Variants in PPM1G observed in about 807,000 individuals in gnomAD.
PPM1G encodes protein phosphatase 1G.
In PPM1G, 12 loss-of-function variants were observed where a neutral mutation model predicts 59.4. That is an observed-to-expected ratio of 0.20 (90% CI 0.13 to 0.33). PPM1G has a LOEUF of 0.33. PPM1G is among the 10% of genes least tolerant of loss of function. The probability of loss-of-function intolerance (pLI) is 1.00; values close to 1 mark genes in which losing one functional copy is unlikely to be tolerated. For missense variants in PPM1G, 392 were observed against 681.3 expected (o/e 0.58, Z 4.73); for synonymous variants, 245 against 251.9 (o/e 0.97, Z 0.26).
chr2:27,384,734 T>G lies in PPM1G; in HGVS notation c.764A>C (p.Lys255Thr). 1 of 1,614,176 alleles carries G rather than the reference T, an allele frequency of 6.2e-7. No homozygotes were observed. Among genetic ancestry groups the G allele is most frequent in the Non-Finnish European group, 8.5e-7 (1 of 1,180,020 alleles). Residue 255 changes from lysine (K) to threonine (T), a missense_variant, in exon 5 of 10, where the codon AAG (lysine) becomes ACG (threonine). Lys to Thr is a moderately conservative substitution (Grantham distance 78, BLOSUM62 -1). Coordinates refer to ENST00000344034, the MANE Select transcript of PPM1G (RefSeq NM_177983.3). The surrounding 1 kb of genome is among the most constrained non-coding windows in gnomAD (Gnocchi z 4.8). ...CTCATCCTCACTGTCCTCAAAGAACTTGGACTTAGCAACTCGAGGCAGCTT... is the reference window on the plus strand; with the variant it reads ...CTCATCCTCACTGTCCTCAAAGAACGTGGACTTAGCAACTCGAGGCAGCTT... ...SDKLPRVAKS[K>T]FFEDSEDESD...
At chr2:27,408,970 C>A (rs1558323716) in intron 1 of PPM1G, among the ~76,000 whole-genome samples, 1 of 152,208 alleles carries the variant, frequency 6.6e-6, no homozygotes, top group Non-Finnish European at 1.5e-5. Context: ...GTCTTTACTC[C>A]CACACTAAAC....
At chr2:27,401,344 T>C (rs374193045) in intron 1 of PPM1G, among the ~76,000 whole-genome samples, 11 of 152,108 alleles carry the variant, frequency 7.2e-5, no homozygotes, top group African/African-American at 2.7e-4. Context: ...CATCCAGATA[T>C]AAAAGGTAGT....
intron 1 of PPM1G, among the ~76,000 whole-genome samples, chr2:27,394,006 C>T (rs987344079): frequency 7.2e-5 from 11 of 152,162 alleles, no homozygotes; most frequent in African/African-American, 2.7e-4. Context: ...TCGTGATCCA[C>T]CTGCCTCGGC....
intron 1 of PPM1G, 87 bp from the exon 2 acceptor site, chr2:27,387,245 T>C: frequency 5.6e-6 from 6 of 1,064,462 alleles, no homozygotes; most frequent in Non-Finnish European, 8.6e-6. Context: ...CTTACTAACC[T>C]TTCCCTGGCT....
intron 1 of PPM1G, among the ~76,000 whole-genome samples, chr2:27,408,408 T>A (rs965615552): frequency 6.6e-6 from 1 of 152,194 alleles, no homozygotes; most frequent in Non-Finnish European, 1.5e-5. Flanking sequence ...TACCGCAGTT[T>A]TCCCTCTTCT....
Position 27,386,233 on chromosome 2 carries a change from G to A in PPM1G, c.237C>T (p.Ile79=), listed in dbSNP as rs764384903. Residue 79 remains isoleucine (I), a synonymous_variant, in exon 3 of 10, where the codon ATC becomes ATT. Transcript: ENST00000344034. ...CTTCCTTGTAGGCCTTCTGATCTTT[G>A]ATGATATCAGGAAGATATTTGGCAC... ...LYCAKYLPDI[I]KDQKAYKEGK... 1.2e-6 allele frequency: 2 copies of A among 1,613,910 alleles called. No homozygotes were observed. Among genetic ancestry groups the A allele is most frequent in the East Asian group, 2.2e-5 (1 of 44,872 alleles).
intron 1 of PPM1G, among the ~76,000 whole-genome samples, chr2:27,388,074 A>C (rs983698484): frequency 1.3e-5 from 2 of 151,768 alleles, no homozygotes; most frequent in African/African-American, 4.8e-5. Context: ...CTGGGATTAC[A>C]TAAGTGAGCC....
intron 1 of PPM1G, among the ~76,000 whole-genome samples, chr2:27,407,671 T>C (rs1663414230): frequency 6.6e-6 from 1 of 152,226 alleles, no homozygotes; most frequent in Admixed American, 6.5e-5. Context: ...TAACAATGTC[T>C]AGTGTCTTCA....
At chr2:27,401,072 G>A (rs911656188) in intron 1 of PPM1G, among the ~76,000 whole-genome samples, 4 of 152,168 alleles carry the variant, frequency 2.6e-5, no homozygotes, top group Non-Finnish European at 4.4e-5. Flanking sequence ...TGAGACTGGA[G>A]TTTTAAAGAG....
rs928997359 is a variant in PPM1G, at chr2:27,409,543, G to A, written c.-121C>T. 2 of 1,256,948 alleles carry A rather than the reference G, an allele frequency of 1.6e-6. No homozygotes were observed. Among genetic ancestry groups the A allele is most frequent in the South Asian group, 2.1e-5 (1 of 47,834 alleles). The allele number at this position is 1,256,948 out of a possible 1,614,324, so 77.9% of individuals were successfully genotyped here. On this transcript the variant is annotated 5_prime_UTR_variant, in exon 1 of 10. Transcript: ENST00000344034. ...CGCGGCGCGACCGACGCAAGGTGCC[G>A]GTGAAAGGCGCGAGGCCGGCCAGGA...
chr2:27,393,593 T>A (rs934658041), intron 1 of PPM1G, among the ~76,000 whole-genome samples: 1 of 152,070 alleles, frequency 6.6e-6, no homozygotes, highest in African/African-American at 2.4e-5. Context: ...TTAATTATCA[T>A]ATTTTTTTCT....
Position 27,409,513 on chromosome 2 carries a change from G to A in PPM1G, c.-91C>T, listed in dbSNP as rs1663465871. 2.2e-6 allele frequency: 3 copies of A among 1,335,282 alleles called. No homozygotes were observed. The highest frequency in any genetic ancestry group is 3.8e-5 in the South Asian group (2 of 52,872). 82.7% of individuals were successfully genotyped at this position (1,335,282 alleles called of 1,614,324 possible). The stretch of plus-strand genomic sequence containing the variant: ...CCCGGGGGTGCGCGCGGCAGGAGCA[G>A]GCCCCGCGGCGCGACCGACGCAAGG... On this transcript the variant is annotated 5_prime_UTR_variant, in exon 1 of 10. Transcript: ENST00000344034.
chr2:27,397,614 A>T (rs762235896), intron 1 of PPM1G, among the ~76,000 whole-genome samples: 14 of 152,340 alleles, frequency 9.2e-5, no homozygotes, highest in Non-Finnish European at 1.0e-4. Flanking sequence ...AATAGGTATT[A>T]TAAAGGCACT....
chr2:27,392,273 GTTGGT>G (rs1279746178), intron 1 of PPM1G, among the ~76,000 whole-genome samples: 2 of 122,544 alleles, frequency 1.6e-5, no homozygotes, highest in Non-Finnish European at 3.4e-5. Context: ...ACTTTGTTTT[GTTGGT>G]TTGTTTTGTT....
chr2:27,409,315 G>A lies in PPM1G; in HGVS notation c.108C>T (p.Arg36=), dbSNP rs777326754. ...PYGFSAMQGW[R]VSMEDAHNCI... is the part of the protein sequence containing the mutation. ...CCTGCCTCCTCACCTCCATGGAGAC[G>A]CGCCAGCCTTGCATGGCGGAGAAGC... The change falls in exon 1 of 10, where the codon CGC becomes CGT. Residue 36 remains arginine, a synonymous_variant. Transcript: ENST00000344034. 4.5e-6 allele frequency: 7 copies of A among 1,548,736 alleles called. No homozygotes were observed. Among genetic ancestry groups the A allele is most frequent in the Middle Eastern group, 1.7e-4 (1 of 5,992 alleles).
In PPM1G at chr2:27,383,367, A is replaced by G. The variant is rs762431623; in HGVS notation, c.1200T>C (p.Ile400=). 1.2e-6 allele frequency: 2 copies of G among 1,613,410 alleles called. No individual in the cohort carries two copies. The highest frequency in any genetic ancestry group is 2.7e-5 in the African/African-American group (2 of 75,014). Residue 400 remains isoleucine (I), a splice_region_variant and synonymous_variant, in exon 7 of 10, where the codon ATT becomes ATC. Coordinates refer to ENST00000344034, the MANE Select transcript of PPM1G (RefSeq NM_177983.3). The surrounding 1 kb of genome is among the most constrained non-coding windows in gnomAD (Gnocchi z 5.0). ...CTTTCCCAGTTTCTTGGCCCTTACCAATGGCTCTGGAGAGGTTGAGGCCCC... is the reference window on the plus strand; with the variant it reads ...CTTTCCCAGTTTCTTGGCCCTTACCGATGGCTCTGGAGAGGTTGAGGCCCC... ...VNGGLNLSRA[I]GDHFYKRNKN...
At chr2:27,406,604 C>T (rs1022174578) in intron 1 of PPM1G, among the ~76,000 whole-genome samples, 7 of 152,024 alleles carry the variant, frequency 4.6e-5, no homozygotes, top group Admixed American at 1.3e-4. Flanking sequence ...CACACTAAAC[C>T]GTCCCTGACA....
At position 27,402,659 on chromosome 2, in the gene PPM1G, A is replaced by G. The variant is rs1043681972; in HGVS notation, c.120+6644T>C. ...CCTCTACTAAAAACACACACAAAAAATTAGCCAGGCGTGGTGGCGGGCGCC... is the reference window on the plus strand; with the variant it reads ...CCTCTACTAAAAACACACACAAAAAGTTAGCCAGGCGTGGTGGCGGGCGCC... On this transcript the variant is annotated intron_variant, in intron 1 of 9. Transcript: ENST00000344034. Among the ~76,000 whole-genome samples, 16 of 151,876 alleles carry G rather than the reference A, an allele frequency of 1.1e-4. 1 individual carries two copies. Among genetic ancestry groups the G allele is most frequent in the African/African-American group, 3.9e-4 (16 of 41,366 alleles).
chr2:27,405,278 G>C (rs905724975), intron 1 of PPM1G, among the ~76,000 whole-genome samples: 2 of 151,848 alleles, frequency 1.3e-5, no homozygotes, highest in African/African-American at 2.4e-5. Context: ...TCACCATATT[G>C]GCCAGAATGA....
Sources: gnomAD v4.1 joint callset for allele counts (sites outside exome capture counted in the v4.1 genomes callset) on GRCh38, gnomAD v4.1.1 for gene constraint, Gnocchi (gnomAD v3.1) non-coding constraint, MANE v1.5 for transcripts, NCBI Gene and HGNC (gene_info 2026-07-23, HGNC 2026-07-21) for gene names.